The following AGBL2 variants were observed in gnomAD, a reference collection of about 807,000 sequenced individuals.
AGBL2 encodes cytosolic carboxypeptidase 2.
In AGBL2, 87 loss-of-function variants were observed where a neutral mutation model predicts 103.0. The observed-to-expected ratio is 0.84, with a 90% CI of 0.71 to 1.01. The LOEUF (loss-of-function observed/expected upper bound fraction) is 1.01. Ranked by LOEUF, AGBL2 falls within the 50% of genes least tolerant of loss-of-function variation. The pLI is 0.00. For synonymous variants in AGBL2, 335 were observed against 356.7 expected, an observed-to-expected ratio of 0.94 and a Z score of 0.69; for missense variants, 904 against 1,023.5, an observed-to-expected ratio of 0.88 and a Z score of 1.59.
chr11:47,673,162 C>G (rs979549601), intron 14 of AGBL2, among the ~76,000 whole-genome samples: 1 of 152,156 alleles, frequency 6.6e-6, no homozygotes, highest in Admixed American at 6.6e-5. Flanking sequence ...TTTGCAGAAC[C>G]TATCTCCTAG....
At chr11:47,692,498 G>A (rs752980228) in intron 8 of AGBL2, among the ~76,000 whole-genome samples, 1 of 125,980 alleles carries the variant, frequency 7.9e-6, no homozygotes, top group African/African-American at 3.0e-5. Context: ...TGCAAGCTCC[G>A]CCTCCCAGGT....
At chr11:47,667,462 C>T in intron 16 of AGBL2, 109 bp downstream of exon 16, 2 of 1,332,248 alleles carry the variant, frequency 1.5e-6, no homozygotes, top group Non-Finnish European at 2.1e-6. Context: ...CCCTCTGCCC[C>T]AATCTCCATC....
At chr11:47,695,856 A>G (rs2097467579) in intron 8 of AGBL2, among the ~76,000 whole-genome samples, 1 of 151,640 alleles carries the variant, frequency 6.6e-6, no homozygotes, top group South Asian at 2.1e-4. Flanking sequence ...TTTCATCTTT[A>G]AATGTTTAAC....
intron 3 of AGBL2, chr11:47,710,758 TGAGAAAGG>T: frequency 1.8e-6 from 1 of 560,708 alleles, no homozygotes; most frequent in Non-Finnish European, 3.4e-6. Context: ...TGTAGTGGAG[TGAGAAAGG>T]ACTTGGCAGG....
chr11:47,682,849 G>A (rs977633791), intron 11 of AGBL2, among the ~76,000 whole-genome samples: 1 of 152,136 alleles, frequency 6.6e-6, no homozygotes, highest in Non-Finnish European at 1.5e-5. Context: ...TTCTATTGAG[G>A]AGCCTCAGGG....
chr11:47,699,498 T>C lies in AGBL2; in HGVS notation c.642A>G (p.Val214=). Residue 214 remains valine (V), a synonymous_variant, in exon 8 of 19, where the codon GTA becomes GTG. Coordinates refer to ENST00000525123, the MANE Select transcript of AGBL2 (RefSeq NM_024783.4). ...YFYQPKGNEK[V]PEIVGEKKGT... is the part of the protein sequence containing the mutation. ...CTTTTTTCTCTCCTACAATCTCTGG[T>C]ACCTTTTCATTTCCTTTAGGCTGAT... 6.2e-7 allele frequency: 1 copy of C among 1,610,786 alleles called. No homozygotes were observed. The highest frequency in any genetic ancestry group is 8.5e-7 in the Non-Finnish European group (1 of 1,178,214).
rs2097533478 is a variant in AGBL2, at chr11:47,710,424, T to C, written c.185A>G (p.Glu62Gly). The change falls in exon 4 of 19, where the codon GAA (glutamate) becomes GGA (glycine). Residue 62 changes from glutamate (E) to glycine (G), a missense_variant. By Grantham distance (98) the Glu-to-Gly change is moderately conservative. Transcript: ENST00000525123. Reference protein sequence around the residue: ...PQCLLNGSLGEKDDLIPDTLQ... With the variant: ...PQCLLNGSLGGKDDLIPDTLQ... ...GGTGTCTGGTATCAAATCATCTTTT[T>C]CCCCAAGAGAGCCATTCAACAGGCA... 6.2e-7 allele frequency: 1 copy of C among 1,613,982 alleles called. No homozygotes were observed. The highest frequency in any genetic ancestry group is 1.7e-5 in the Admixed American group (1 of 59,972).
At chr11:47,709,942 T>A (rs1484295789) in intron 4 of AGBL2, among the ~76,000 whole-genome samples, 2 of 151,220 alleles carry the variant, frequency 1.3e-5, no homozygotes, top group Non-Finnish European at 2.9e-5. Flanking sequence ...CAGGCTGGAG[T>A]ACAGTGGCCC....
At chr11:47,706,433 G>A (rs969089552) in intron 4 of AGBL2, among the ~76,000 whole-genome samples, 1 of 152,104 alleles carries the variant, frequency 6.6e-6, no homozygotes, top group African/African-American at 2.4e-5. Flanking sequence ...GGAGAATGCC[G>A]TGAACCCGGG....
intron 16 of AGBL2, 46 bp downstream of exon 16, chr11:47,667,525 A>G (rs2097344532): frequency 6.2e-7 from 1 of 1,600,988 alleles, no homozygotes; most frequent in Non-Finnish European, 8.5e-7. Context: ...CCTCTATGGA[A>G]TGGTCTGAAA....
At position 47,710,427 on chromosome 11, in the gene AGBL2, C is replaced by G; in HGVS notation, c.182G>C (p.Gly61Ala). 1 of 1,614,058 alleles carries G rather than the reference C, an allele frequency of 6.2e-7. No individual in the cohort carries two copies. Among genetic ancestry groups the G allele is most frequent in the Non-Finnish European group, 8.5e-7 (1 of 1,180,010 alleles). Residue 61 changes from glycine to alanine, a missense_variant, in exon 4 of 19, where the codon GGG (glycine) becomes GCG (alanine). Coordinates refer to ENST00000525123, the MANE Select transcript of AGBL2 (RefSeq NM_024783.4). The stretch of plus-strand genomic sequence containing the variant: ...GTCTGGTATCAAATCATCTTTTTCC[C>G]CAAGAGAGCCATTCAACAGGCATTG... Reference protein sequence around the residue: ...NPQCLLNGSLGEKDDLIPDTL... With the variant: ...NPQCLLNGSLAEKDDLIPDTL...
chr11:47,713,651 T>C (rs1164797650), intron 3 of AGBL2, among the ~76,000 whole-genome samples: 5 of 151,376 alleles, frequency 3.3e-5, no homozygotes, highest in Non-Finnish European at 7.4e-5. Context: ...TGCAGTGGCT[T>C]GATCTCGGCT....
At chr11:47,710,997 T>C (rs2135038130) in intron 3 of AGBL2, 1 of 367,360 alleles carries the variant, frequency 2.7e-6, no homozygotes, top group East Asian at 7.4e-5. Context: ...ATAGAAAGGG[T>C]TCCAACCCTC....
At chr11:47,670,277 G>A (rs1490589959) in intron 14 of AGBL2, among the ~76,000 whole-genome samples, 4 of 152,134 alleles carry the variant, frequency 2.6e-5, no homozygotes, top group Non-Finnish European at 5.9e-5. Context: ...ATTTAATAAA[G>A]AATCTGAGCC....
rs567612779 is a variant in AGBL2, at chr11:47,665,154, T to C, written c.2448+1802A>G. ...CCTCTGCCTCCTAGGTTCAAGCAAT[T>C]ACTGTGACTCAGCTTCCTGAGTAGC... On this transcript the variant is annotated intron_variant, in intron 17 of 18. Transcript: ENST00000525123. Among the ~76,000 whole-genome samples the C allele has an allele frequency of 7.2e-5, 11 of 151,980 alleles. No homozygotes were observed. In the East Asian group the frequency reaches 2.1e-3, roughly 29 times the overall value.
At chr11:47,695,657 C>T (rs1488669014) in intron 8 of AGBL2, among the ~76,000 whole-genome samples, 1 of 148,156 alleles carries the variant, frequency 6.7e-6, no homozygotes, top group African/African-American at 2.5e-5. Context: ...GCCTGTAGCC[C>T]CAGCTACTCA....
intron 8 of AGBL2, among the ~76,000 whole-genome samples, chr11:47,692,700 C>T (rs911211333): frequency 2.4e-4 from 37 of 151,854 alleles, no homozygotes; most frequent in African/African-American, 8.5e-4. Context: ...GTGTGAGCCA[C>T]CACGCCTGGC....
intron 7 of AGBL2, among the ~76,000 whole-genome samples, 189 bp downstream of exon 7, chr11:47,704,354 C>T (rs2097509584): frequency 6.6e-6 from 1 of 151,286 alleles, no homozygotes; most frequent in African/African-American, 2.4e-5. Flanking sequence ...GTGGTGTGCG[C>T]CTGTAATCCC....
intron 14 of AGBL2, among the ~76,000 whole-genome samples, chr11:47,671,956 C>A (rs1049786696): frequency 3.9e-5 from 6 of 152,122 alleles, no homozygotes; most frequent in Non-Finnish European, 7.4e-5. Flanking sequence ...ATAGGTGGAA[C>A]CCCACTGGAG....
Sources: allele counts gnomAD v4.1 joint callset (sites outside exome capture counted in the v4.1 genomes callset), GRCh38; gene constraint gnomAD v4.1.1; transcripts MANE v1.5; gene names NCBI Gene and HGNC (gene_info 2026-07-23, HGNC 2026-07-21).